The following CYP4F12 variants were observed in gnomAD, a reference collection of about 807,000 sequenced individuals.
The protein encoded by CYP4F12 is cytochrome P450 family 4 subfamily F member 12, also known as cytochrome P450 4F12.
A neutral mutation model predicts 56.5 loss-of-function variants in CYP4F12; 60 were observed. The ratio of observed to expected loss-of-function variants is 1.06; its 90% CI spans 0.86 to 1.32. CYP4F12 has a LOEUF of 1.32. CYP4F12 is among the 40% of genes most tolerant of loss of function. The pLI is 0.00. For synonymous variants in CYP4F12, 263 were observed against 264.9 expected (o/e 0.99, Z 0.07); for missense variants, 711 against 683.5 (o/e 1.04, Z -0.45).
chr19:15,673,783 A>G, intron 2 of CYP4F12, 56 bp downstream of exon 2: 2 of 1,594,008 alleles, frequency 1.3e-6, no homozygotes, highest in Non-Finnish European at 1.7e-6. Context: ...CTTCCAGAGG[A>G]GCAGGAATGG....
In CYP4F12 at chr19:15,682,488, A is replaced by C; in HGVS notation, c.625A>C (p.Ser209Arg). ...TLDSLQKCIF[S>R]FDSHCQERPS... ...GGACAGTCTACAGAAATGCATCTTC[A>C]GCTTTGACAGCCATTGTCAGGAGTG... is the stretch of plus-strand genomic sequence containing the variant. The change falls in exon 6 of 13, where the codon AGC becomes CGC. Residue 209 changes from serine to arginine, a missense_variant. Ser to Arg is a moderately radical substitution (Grantham distance 110). Transcript: ENST00000550308. 6.2e-7 allele frequency: 1 copy of C among 1,613,780 alleles called. No homozygotes were observed. Among genetic ancestry groups the C allele is most frequent in the Non-Finnish European group, 8.5e-7 (1 of 1,179,756 alleles).
intron 9 of CYP4F12, among the ~76,000 whole-genome samples, chr19:15,688,739 T>C (rs2007737079): frequency 6.6e-6 from 1 of 152,202 alleles, no homozygotes; most frequent in Non-Finnish European, 1.5e-5. Context: ...CAAAACAGCA[T>C]GGTACTGGTA....
At chr19:15,683,987 G>A (rs2007460752) in intron 7 of CYP4F12, 1 of 422,680 alleles carries the variant, frequency 2.4e-6, no homozygotes, top group South Asian at 5.5e-5. Flanking sequence ...CAACTTATAA[G>A]TTAGTGTGTT....
chr19:15,675,509 GGA>G (rs1486778508), intron 2 of CYP4F12, among the ~76,000 whole-genome samples: 1 of 152,180 alleles, frequency 6.6e-6, no homozygotes, highest in Non-Finnish European at 1.5e-5. Context: ...CCAGCTCTAG[GGA>G]TATGTCCTGA....
At chr19:15,684,276 T>C (rs1218225837) in intron 7 of CYP4F12, 1 of 155,694 alleles carries the variant, frequency 6.4e-6, no homozygotes, top group East Asian at 1.9e-4. Context: ...CCTTCTTTAT[T>C]ACAGGGTGAA....
intron 2 of CYP4F12, among the ~76,000 whole-genome samples, chr19:15,675,714 A>C (rs62106463): frequency 0.93 from 141,107 of 152,166 alleles, 65,485 homozygotes; most frequent in East Asian, 1. Flanking sequence ...GCAGAAACCC[A>C]CTGCAGCTGC....
At chr19:15,693,667 T>C (rs1383681833) in intron 9 of CYP4F12, among the ~76,000 whole-genome samples, 4 of 150,980 alleles carry the variant, frequency 2.6e-5, no homozygotes, top group Non-Finnish European at 5.9e-5. Context: ...TAGTTTCTTT[T>C]GCTGTGCAGA....
At position 15,683,850 on chromosome 19, in the gene CYP4F12, G is replaced by A. The variant is rs552841953; in HGVS notation, c.918+87G>A. The A allele has an allele frequency of 2.6e-4, 382 of 1,462,046 alleles. No homozygotes were observed. In the African/African-American group the frequency reaches 4.1e-3, roughly 16 times the overall value. 90.6% of individuals were successfully genotyped at this position (1,462,046 alleles called of 1,614,324 possible). Reference sequence around the variant, plus strand: ...GAAATAAATTGGTTTTGATCCAAAGGGCACTGGGAGCCATGGAAGATGCTT... The same window carrying A: ...GAAATAAATTGGTTTTGATCCAAAGAGCACTGGGAGCCATGGAAGATGCTT... On this transcript the variant is annotated intron_variant, in intron 7 of 12. Coordinates refer to ENST00000550308, the MANE Select transcript of CYP4F12 (RefSeq NM_023944.4).
intron 9 of CYP4F12, among the ~76,000 whole-genome samples, chr19:15,691,303 C>T (rs613503): frequency 0.025 from 3,852 of 152,126 alleles, 39 homozygotes; most frequent in African/African-American, 0.089. Context: ...GTGCAATCGG[C>T]ATGTGTGTAC....
At chr19:15,695,652 C>T (rs1006062912) in intron 9 of CYP4F12, among the ~76,000 whole-genome samples, 2 of 152,036 alleles carry the variant, frequency 1.3e-5, no homozygotes, top group African/African-American at 4.8e-5. Flanking sequence ...TGCTTTCTTG[C>T]CATAGACAAT....
intron 2 of CYP4F12, 64 bp downstream of exon 2, chr19:15,673,791 T>C: frequency 6.3e-7 from 1 of 1,578,282 alleles, no homozygotes. Context: ...GGAGCAGGAA[T>C]GGGGCTCAGT....
In CYP4F12 at chr19:15,684,935, G is replaced by A. The variant is rs2144737370; in HGVS notation, c.985+53G>A. The A allele has an allele frequency of 3.2e-6, 5 of 1,570,274 alleles. No homozygotes were observed. The South Asian group carries it at 4.8e-5, about 15-fold the overall frequency. ...GGAGACAGAGGTCCCTCCATCTCAG[G>A]ATCCGGGTGGGTGGACCCTGGATCA... On this transcript the variant is annotated intron_variant, in intron 8 of 12. Transcript: ENST00000550308.
chr19:15,675,597 G>T (rs62106460), intron 2 of CYP4F12, among the ~76,000 whole-genome samples: 137,725 of 152,172 alleles, frequency 0.91, 62,282 homozygotes, highest in East Asian at 1. Flanking sequence ...AATCAATCCA[G>T]GATGAGAAAA....
In CYP4F12 at chr19:15,688,433, A is replaced by G. The variant is rs140643268; in HGVS notation, c.1115+3236A>G. On this transcript the variant is annotated intron_variant, in intron 9 of 12. Coordinates refer to ENST00000550308, the MANE Select transcript of CYP4F12 (RefSeq NM_023944.4). Reference sequence around the variant, plus strand: ...GTTAAAGCTCTCTACAAGGAGAACTACAAAACAGTGCTGGACAAAACCATA... The same window carrying G: ...GTTAAAGCTCTCTACAAGGAGAACTGCAAAACAGTGCTGGACAAAACCATA... 5.0e-3 allele frequency among the ~76,000 whole-genome samples: 763 copies of G among 152,318 alleles called. 7 individuals are homozygous for G. Among genetic ancestry groups the G allele is most frequent in the African/African-American group, 0.017 (702 of 41,556 alleles).
intron 5 of CYP4F12, chr19:15,680,883 GTTC>G (rs1189371635): frequency 1.5e-5 from 5 of 343,022 alleles, no homozygotes; most frequent in Non-Finnish European, 2.8e-5. Context: ...CAGCTGGCCA[GTTC>G]TTCTGGATGT....
intron 9 of CYP4F12, among the ~76,000 whole-genome samples, chr19:15,695,300 C>T (rs1049595230): frequency 7.5e-6 from 1 of 133,808 alleles, no homozygotes; most frequent in African/African-American, 2.9e-5. Flanking sequence ...GGGAATTGAA[C>T]AATGAGAACA....
At chr19:15,687,944 A>G (rs915382746) in intron 9 of CYP4F12, among the ~76,000 whole-genome samples, 14 of 152,182 alleles carry the variant, frequency 9.2e-5, no homozygotes, top group African/African-American at 3.4e-4. Flanking sequence ...ATTTCTTGAT[A>G]TAACCTCGAG....
chr19:15,679,552 G>A (rs142976831), intron 3 of CYP4F12, among the ~76,000 whole-genome samples: 1 of 152,304 alleles, frequency 6.6e-6, no homozygotes, highest in East Asian at 1.9e-4. Flanking sequence ...AAGTCATCAT[G>A]TGTGTGGCTC....
chr19:15,677,113 T>C (rs74182267), intron 2 of CYP4F12, among the ~76,000 whole-genome samples: 9,452 of 15,118 alleles, frequency 0.63, 3,360 homozygotes, highest in East Asian at 0.77. Context: ...ATTCCTCTGC[T>C]CACTCACTCA....
Sources: allele counts gnomAD v4.1 joint callset (sites outside exome capture counted in the v4.1 genomes callset), GRCh38; gene constraint gnomAD v4.1.1; transcripts MANE v1.5; gene names NCBI Gene and HGNC (gene_info 2026-07-23, HGNC 2026-07-21).